The following PTGER3 variants were observed in gnomAD, a reference collection of about 807,000 sequenced individuals.
The protein encoded by PTGER3 is prostaglandin E receptor 3, also known as prostaglandin E2 receptor EP3 subtype.
Under a neutral mutation model 34.7 loss-of-function variants are expected in PTGER3, and 22 were observed. The observed-to-expected ratio is 0.63, with a 90% confidence interval of 0.45 to 0.91. The LOEUF is 0.91. Ranked by LOEUF, PTGER3 falls within the 40% of genes least tolerant of loss-of-function variation. The probability of loss-of-function intolerance (pLI) is 0.00; values close to 1 mark genes in which losing one functional copy is unlikely to be tolerated. For synonymous variants in PTGER3, 241 were observed against 230.1 expected (o/e 1.05, Z -0.43); for missense variants, 468 against 519.4 (o/e 0.90, Z 0.96).
At chr1:70,978,864 C>G (rs564084813) in intron 2 of PTGER3, among the ~76,000 whole-genome samples, 265 of 152,198 alleles carry the variant, frequency 1.7e-3, no homozygotes, top group African/African-American at 5.8e-3. Flanking sequence ...TAATCCAACT[C>G]TTTTATTTAC....
chr1:70,963,759 T>A (rs687257), intron 2 of PTGER3, among the ~76,000 whole-genome samples: 71,133 of 151,934 alleles, frequency 0.47, 18,779 homozygotes, highest in East Asian at 0.72. Flanking sequence ...CTGGAGACAT[T>A]TTTTCCATTT....
At chr1:71,006,384 G>A in intron 2 of PTGER3, 1 of 985,366 alleles carries the variant, frequency 1.0e-6, no homozygotes, top group African/African-American at 1.7e-5. Context: ...ATAAGTACAT[G>A]AACAAATAGC....
Position 71,047,619 on chromosome 1 carries a change from C to T in PTGER3, c.-42G>A. ...GGAGGGGATGGCGTCCAGAGAGCCG[C>T]AGCGGGAGGGGGCAGACGCGGCGCG... On this transcript the variant is annotated 5_prime_UTR_variant, in exon 1 of 4. Coordinates refer to ENST00000306666, the MANE Select transcript of PTGER3 (RefSeq NM_198719.2). 2 of 1,479,052 alleles carry T rather than the reference C, an allele frequency of 1.4e-6. No individual in the cohort carries two copies. The highest frequency in any genetic ancestry group is 9.0e-7 in the Non-Finnish European group (1 of 1,109,894). 91.6% of individuals were successfully genotyped at this position (1,479,052 alleles called of 1,614,324 possible). A position where few individuals can be genotyped will look rare whatever the true frequency, so the allele number is the denominator to read the frequency against.
In PTGER3 at chr1:70,985,409, A is replaced by T. The variant is rs1654823475; in HGVS notation, c.1078-11021T>A. On this transcript the variant is annotated intron_variant, in intron 2 of 3. Coordinates refer to ENST00000306666, the MANE Select transcript of PTGER3 (RefSeq NM_198719.2). ...ATGGAGTTGCTATTGTTGGAGGCCA[A>T]AAGAGTAAGAGTCATGATCAACTCA... Among the ~76,000 whole-genome samples, 3 of 152,102 alleles carry T rather than the reference A, an allele frequency of 2.0e-5. No homozygotes were observed. In the South Asian group the frequency reaches 6.2e-4, roughly 32 times the overall value.
intron 4 of PTGER3, among the ~76,000 whole-genome samples, chr1:70,905,039 T>C (rs941587112): frequency 6.6e-6 from 1 of 152,106 alleles, no homozygotes; most frequent in East Asian, 1.9e-4. Context: ...GCTGCTCCAG[T>C]TGTGGCTTAA....
intron 4 of PTGER3, among the ~76,000 whole-genome samples, chr1:70,944,323 A>G (rs895452757): frequency 1.3e-5 from 2 of 152,046 alleles, no homozygotes; most frequent in Admixed American, 1.3e-4. Context: ...AGTCAAAGCA[A>G]TTTTTTTACC....
At chr1:70,949,914 C>G (rs7541936), downstream of PTGER3, among the ~76,000 whole-genome samples, 22,621 of 152,066 alleles carry the variant, frequency 0.15, 2,276 homozygotes, top group African/African-American at 0.26. Flanking sequence ...GGGCAGAACT[C>G]CAAAACCACC....
intron 4 of PTGER3, among the ~76,000 whole-genome samples, chr1:70,904,325 T>C (rs1359435695): frequency 1.3e-5 from 2 of 152,136 alleles, no homozygotes; most frequent in Admixed American, 1.3e-4. Context: ...TTGGTACCAG[T>C]AGAGTTGCTG....
chr1:70,915,806 T>C (rs144911466), intron 4 of PTGER3, among the ~76,000 whole-genome samples: 1 of 152,014 alleles, frequency 6.6e-6, no homozygotes, highest in East Asian at 1.9e-4. Context: ...GGTCTATGTG[T>C]CTGTTTCTCA....
intron 4 of PTGER3, among the ~76,000 whole-genome samples, chr1:70,914,383 A>G (rs1181789423): frequency 6.6e-6 from 1 of 151,870 alleles, no homozygotes; most frequent in Non-Finnish European, 1.5e-5. Flanking sequence ...ATCTCAGTAA[A>G]TGGTTGTCAT....
chr1:70,905,931 T>C (rs1478441328), intron 4 of PTGER3, among the ~76,000 whole-genome samples: 1 of 152,202 alleles, frequency 6.6e-6, no homozygotes, highest in Non-Finnish European at 1.5e-5. Flanking sequence ...ACTCTCACAA[T>C]TGCCACATGT....
intron 4 of PTGER3, among the ~76,000 whole-genome samples, chr1:70,934,524 A>G (rs1329442744): frequency 6.6e-6 from 1 of 152,144 alleles, no homozygotes; most frequent in Non-Finnish European, 1.5e-5. Flanking sequence ...GTGCTTGGGA[A>G]ACTCAGTTTC....
intron 4 of PTGER3, among the ~76,000 whole-genome samples, chr1:70,943,238 T>A (rs887268220): frequency 6.6e-6 from 1 of 152,200 alleles, no homozygotes; most frequent in African/African-American, 2.4e-5. Context: ...TTCATTAGAA[T>A]GGATTAATTT....
At chr1:71,019,404 C>G (rs1658204155) in intron 1 of PTGER3, among the ~76,000 whole-genome samples, 1 of 152,168 alleles carries the variant, frequency 6.6e-6, no homozygotes, top group Non-Finnish European at 1.5e-5. Context: ...TCAGCCCCTT[C>G]CCTGGGTTCC....
Position 71,008,468 on chromosome 1 carries a change from T to C in PTGER3, c.1077+3837A>G, listed in dbSNP as rs1657163249. Reference sequence around the variant, plus strand: ...AAAAGGGAATATATCAAATAAAATATTTTCCCTAATTCTTTTATCATCATC... The same window carrying C: ...AAAAGGGAATATATCAAATAAAATACTTTCCCTAATTCTTTTATCATCATC... On this transcript the variant is annotated intron_variant, in intron 2 of 3. Transcript: ENST00000306666. The C allele has an allele frequency of 6.6e-6, 6 of 905,604 alleles. No homozygotes were observed. The South Asian group carries it at 3.1e-4, about 46-fold the overall frequency. The allele number at this position is 905,604 out of a possible 1,614,324, so 56.1% of individuals were successfully genotyped here.
At chr1:71,029,621 G>A (rs1201466462) in intron 1 of PTGER3, among the ~76,000 whole-genome samples, 1 of 152,100 alleles carries the variant, frequency 6.6e-6, no homozygotes. Flanking sequence ...GTAAAGAGGA[G>A]GGGCACTTAA....
chr1:70,917,444 TAC>T (rs60944448), intron 4 of PTGER3, among the ~76,000 whole-genome samples: 45,462 of 141,622 alleles, frequency 0.32, 7,373 homozygotes, highest in Middle Eastern at 0.44. Flanking sequence ...TGTGTGTGTA[TAC>T]AATCAATTCC....
intron 4 of PTGER3, among the ~76,000 whole-genome samples, chr1:70,887,850 G>A (rs925195171): frequency 6.6e-6 from 1 of 151,998 alleles, no homozygotes; most frequent in Non-Finnish European, 1.5e-5. Context: ...ATGTAAACAA[G>A]AGCAAAGAGT....
At chr1:71,032,743 T>A (rs1233077533) in intron 1 of PTGER3, among the ~76,000 whole-genome samples, 1 of 152,240 alleles carries the variant, frequency 6.6e-6, no homozygotes, top group African/African-American at 2.4e-5. Flanking sequence ...TTTATATTTA[T>A]TTATTTGCTT....
Sources: allele counts gnomAD v4.1 joint callset (sites outside exome capture counted in the v4.1 genomes callset), GRCh38; gene constraint gnomAD v4.1.1; transcripts MANE v1.5; gene names NCBI Gene and HGNC (gene_info 2026-07-23, HGNC 2026-07-21).